The following NDRG1 variants were observed in gnomAD, a reference collection of about 807,000 sequenced individuals.
NDRG1 encodes protein NDRG1.
A neutral mutation model predicts 56.9 loss-of-function variants in NDRG1; 32 were observed. That is an observed-to-expected ratio of 0.56 (90% confidence interval 0.42 to 0.76). The LOEUF is 0.76. NDRG1 is among the 30% of genes least tolerant of loss of function. NDRG1 has a pLI of 0.00. For synonymous variants in NDRG1, 211 were observed against 204.1 expected (o/e 1.03, Z -0.29); for missense variants, 507 against 545.7 (o/e 0.93, Z 0.71).
chr8:133,296,937 A>T, intron 1 of NDRG1, 197 bp downstream of exon 1: 1 of 173,970 alleles, frequency 5.7e-6, no homozygotes, highest in Non-Finnish European at 1.2e-5. Flanking sequence ...CCGTAATTGA[A>T]CCCCCCACTT....
chr8:133,267,264 A>G (rs954616392), intron 3 of NDRG1, among the ~76,000 whole-genome samples: 5 of 152,118 alleles, frequency 3.3e-5, no homozygotes, highest in African/African-American at 1.2e-4. Context: ...CGCCCTCCTC[A>G]AGGTTACCTA....
At chr8:133,244,758 C>T (rs141088286) in intron 13 of NDRG1, 2 of 403,374 alleles carry the variant, frequency 5.0e-6, no homozygotes, top group South Asian at 2.7e-5. Context: ...CTCTCTGACC[C>T]GAAAGGGTTT....
chr8:133,284,300 C>A lies in NDRG1; in HGVS notation c.12G>T (p.Glu4Asp), dbSNP rs1286565668. 1.5e-5 allele frequency: 25 copies of A among 1,614,196 alleles called. No individual in the cohort carries two copies. Among genetic ancestry groups the A allele is most frequent in the Non-Finnish European group, 2.0e-5 (24 of 1,180,048 alleles). The change falls in exon 2 of 16, where the codon GAG becomes GAT. Residue 4 changes from glutamate to aspartate, a missense_variant. Glu to Asp is a conservative substitution (Grantham distance 45, BLOSUM62 2). Transcript: ENST00000323851. MSR[E>D]MQDVDLAEVK... Reference sequence around the variant, plus strand: ...CCTCAGCGAGGTCTACATCCTGCATCTCCCGAGACATGTCCCTGCTGTCAC... The same window carrying A: ...CCTCAGCGAGGTCTACATCCTGCATATCCCGAGACATGTCCCTGCTGTCAC...
At chr8:133,248,646 T>C (rs1183749781) in intron 11 of NDRG1, 69 bp downstream of exon 11, 21 of 1,577,736 alleles carry the variant, frequency 1.3e-5, no homozygotes, top group Non-Finnish European at 1.8e-5. Context: ...AAGAAGGCCC[T>C]GCCAGCAAGG....
intron 5 of NDRG1, among the ~76,000 whole-genome samples, chr8:133,259,959 T>C (rs901033601): frequency 3.9e-5 from 6 of 152,168 alleles, no homozygotes; most frequent in Non-Finnish European, 8.8e-5. Context: ...GGAAGCAGTG[T>C]ATGCGGACGC....
chr8:133,252,871 T>C (rs1364142651), intron 9 of NDRG1, among the ~76,000 whole-genome samples: 1 of 151,208 alleles, frequency 6.6e-6, no homozygotes, highest in Admixed American at 6.6e-5. Flanking sequence ...GGGGCCTCTA[T>C]TGCCCTCGTA....
intron 1 of NDRG1, chr8:133,284,887 C>T (rs1277470270): frequency 1.5e-5 from 7 of 454,390 alleles, no homozygotes; most frequent in East Asian, 7.0e-5. Context: ...GCAGGACTCT[C>T]GGCTGCCTGC....
Position 133,264,623 on chromosome 8 carries a change from A to G in NDRG1, c.129T>C (p.Ser43=), listed in dbSNP as rs758024351. The G allele has an allele frequency of 7.3e-5, 118 of 1,614,232 alleles. No individual in the cohort carries two copies. Among genetic ancestry groups the G allele is most frequent in the Non-Finnish European group, 9.8e-5 (116 of 1,180,042 alleles). The change falls in exon 4 of 16, where the codon TCT becomes TCC. Residue 43 remains serine (S), a synonymous_variant. Transcript: ENST00000323851. The stretch of plus-strand genomic sequence containing the variant: ...GAGTCCCACACAGCGTGACGTGAAC[A>G]GAGCCATGTAAAGTCTCGATGTCCT... The part of the protein sequence containing the change: ...QEQDIETLHG[S]VHVTLCGTPK...
In NDRG1 at chr8:133,237,201, G is replaced by C. The variant is rs1176032697; in HGVS notation, c.*1677C>G. 4.6e-6 allele frequency: 1 copy of C among 215,106 alleles called. No homozygotes were observed. Among genetic ancestry groups the C allele is most frequent in the Non-Finnish European group, 9.4e-6 (1 of 106,766 alleles). The allele number at this position is 215,106 out of a possible 1,614,324, so 13.3% of individuals were successfully genotyped here. ...GCAAAGTTACAAATTTATTGGTCTG[G>C]AAATAAATACAAATATCTCATTAAG... On this transcript the variant is annotated 3_prime_UTR_variant, in exon 16 of 16. Coordinates refer to ENST00000323851, the MANE Select transcript of NDRG1 (RefSeq NM_006096.4).
chr8:133,269,922 A>G (rs1366280730), intron 3 of NDRG1, among the ~76,000 whole-genome samples: 1 of 152,332 alleles, frequency 6.6e-6, no homozygotes, highest in South Asian at 2.1e-4. Context: ...AACTGCACGC[A>G]TGTGTGTCTT....
rs913522236 is a variant in NDRG1, at chr8:133,260,574, C to T, written c.327-1344G>A. ...AGGGGGAACTAAGAGTCTCTGCTTTCCCCCAAGTCTTTCACACAACTGGTC... is the reference window on the plus strand; with the variant it reads ...AGGGGGAACTAAGAGTCTCTGCTTTTCCCCAAGTCTTTCACACAACTGGTC... On this transcript the variant is annotated intron_variant, in intron 5 of 15. Transcript: ENST00000323851. Among the ~76,000 whole-genome samples, 39 of 152,176 alleles carry T rather than the reference C, an allele frequency of 2.6e-4. 1 individual carries two copies. The highest frequency in any genetic ancestry group is 1.5e-5 in the Non-Finnish European group (1 of 68,030).
At chr8:133,278,585 C>G (rs891923069) in intron 3 of NDRG1, among the ~76,000 whole-genome samples, 3 of 152,114 alleles carry the variant, frequency 2.0e-5, no homozygotes, top group Non-Finnish European at 4.4e-5. Context: ...CCTGGTCAGG[C>G]AGAGCTAGGT....
At chr8:133,255,484 C>T (rs1015068181) in intron 8 of NDRG1, 6 of 423,192 alleles carry the variant, frequency 1.4e-5, no homozygotes, top group African/African-American at 1.2e-4. Context: ...AATCCTCAGG[C>T]TTCACATTAG....
At position 133,262,669 on chromosome 8, in the gene NDRG1, G is replaced by C. The variant is rs187129019; in HGVS notation, c.206-502C>G. On this transcript the variant is annotated intron_variant, in intron 4 of 15. Transcript: ENST00000323851. ...TCACTGCTGAAGCCTAAGGAAGTCG[G>C]GCTGCTCACCCTACCTCCTGTCCCT... Among the ~76,000 whole-genome samples, 171 of 152,270 alleles carry C rather than the reference G, an allele frequency of 1.1e-3. No homozygotes were observed. The Middle Eastern group carries it at 0.017, about 15-fold the overall frequency.
intron 1 of NDRG1, among the ~76,000 whole-genome samples, chr8:133,294,588 T>C (rs1858626474): frequency 6.6e-6 from 1 of 151,716 alleles, no homozygotes. Flanking sequence ...TTCTTTCAGG[T>C]CCATGAGGAG....
chr8:133,258,097 T>C (rs1856472762), intron 7 of NDRG1, among the ~76,000 whole-genome samples: 1 of 152,066 alleles, frequency 6.6e-6, no homozygotes, highest in African/African-American at 2.4e-5. Context: ...GAGTACTCAG[T>C]GAGTGAGGAG....
chr8:133,241,951 T>C lies in NDRG1; in HGVS notation c.943+72A>G, dbSNP rs187091778. The C allele has an allele frequency of 7.5e-5, 117 of 1,569,534 alleles. No individual in the cohort carries two copies. In the African/African-American group the frequency reaches 1.4e-3, roughly 18 times the overall value. On this transcript the variant is annotated intron_variant, in intron 15 of 15. Coordinates refer to ENST00000323851, the MANE Select transcript of NDRG1 (RefSeq NM_006096.4). ...GGACACAGAATTGCTCATCCAAACC[T>C]GGCTCAGGACAGAGCACTTCCAATT...
At chr8:133,246,473 T>C (rs1855685381) in intron 13 of NDRG1, 143 bp downstream of exon 13, 1 of 936,020 alleles carries the variant, frequency 1.1e-6, no homozygotes, top group South Asian at 1.3e-5. Context: ...CCAATATATG[T>C]TCATAAACAG....
intron 2 of NDRG1, among the ~76,000 whole-genome samples, chr8:133,281,641 C>A (rs182536535): frequency 1.3e-3 from 204 of 152,174 alleles, no homozygotes; most frequent in Middle Eastern, 3.4e-3. Flanking sequence ...CTCAGCAGAG[C>A]GAAATGCAAA....
Sources: gnomAD v4.1 joint callset for allele counts (sites outside exome capture counted in the v4.1 genomes callset) on GRCh38, gnomAD v4.1.1 for gene constraint, MANE v1.5 for transcripts, NCBI Gene and HGNC (gene_info 2026-07-23, HGNC 2026-07-21) for gene names.